HHAT: variants seen among roughly 807,000 people sequenced by gnomAD.
HHAT encodes the protein protein-cysteine N-palmitoyltransferase HHAT.
In HHAT, 47 loss-of-function variants were observed where a neutral mutation model predicts 70.8. That is an observed-to-expected ratio of 0.66 (90% CI 0.53 to 0.85). The LOEUF is 0.85. HHAT is among the 40% of genes least tolerant of loss of function. HHAT has a pLI of 0.00. For synonymous variants in HHAT, 228 were observed against 247.6 expected, an observed-to-expected ratio of 0.92 and a Z score of 0.74; for missense variants, 609 against 604.8, an observed-to-expected ratio of 1.01 and a Z score of -0.07.
chr1:210,372,988 T>C (rs1236214712), intron 3 of HHAT, among the ~76,000 whole-genome samples: 3 of 152,232 alleles, frequency 2.0e-5, no homozygotes, highest in Non-Finnish European at 4.4e-5. Context: ...TTCCTTATGC[T>C]AGTAAACTTT....
At chr1:210,335,598 A>G (rs1184651865) in intron 1 of HHAT, among the ~76,000 whole-genome samples, 3 of 152,252 alleles carry the variant, frequency 2.0e-5, no homozygotes, top group Non-Finnish European at 1.5e-5. Context: ...GGAACTGAGT[A>G]AAGAATCCAT....
chr1:210,393,388 G>T (rs536037614), intron 4 of HHAT, among the ~76,000 whole-genome samples: 1 of 152,260 alleles, frequency 6.6e-6, no homozygotes, highest in Admixed American at 6.5e-5. Flanking sequence ...GCTTGTCTTG[G>T]GTCCTGGGGG....
intron 3 of HHAT, chr1:210,374,012 A>C (rs541310618): frequency 1.3e-5 from 2 of 152,362 alleles, no homozygotes; most frequent in South Asian, 4.1e-4. Context: ...AAGTATTCAG[A>C]CCTTTGACAT....
intron 11 of HHAT, among the ~76,000 whole-genome samples, chr1:210,639,276 AACAAAAT>A (rs777547714): frequency 3.9e-5 from 6 of 152,158 alleles, no homozygotes; most frequent in African/African-American, 9.7e-5. Context: ...CAAAACAAAA[AACAAAAT>A]ACAAAAAAAA....
At chr1:210,471,093 CT>C in intron 8 of HHAT, among the ~76,000 whole-genome samples, 1 of 152,128 alleles carries the variant, frequency 6.6e-6, no homozygotes, top group African/African-American at 2.4e-5. Flanking sequence ...GGTGGTCACT[CT>C]TCTGAAATTT....
intron 8 of HHAT, among the ~76,000 whole-genome samples, chr1:210,496,028 A>AAAAAAAG (rs2148527922): frequency 1.3e-5 from 2 of 149,600 alleles, no homozygotes; most frequent in Admixed American, 1.3e-4. Flanking sequence ...AAAAAAAAAA[A>AAAAAAAG]AAGAAAAAGA....
chr1:210,478,578 A>C (rs2094342447), intron 8 of HHAT, among the ~76,000 whole-genome samples: 1 of 152,172 alleles, frequency 6.6e-6, no homozygotes, highest in South Asian at 2.1e-4. Flanking sequence ...GCTTCAGAGG[A>C]GAGGGAAGGA....
intron 9 of HHAT, among the ~76,000 whole-genome samples, chr1:210,568,735 C>T (rs2148727534): frequency 6.6e-6 from 1 of 151,862 alleles, no homozygotes; most frequent in South Asian, 2.1e-4. Flanking sequence ...CAGTGTAGGC[C>T]CTGTGCAAAT....
At chr1:210,395,993 T>G (rs2091762265) in intron 4 of HHAT, among the ~76,000 whole-genome samples, 1 of 152,124 alleles carries the variant, frequency 6.6e-6, no homozygotes, top group Non-Finnish European at 1.5e-5. Context: ...AAGGAGACTA[T>G]CAAGTAGAGT....
chr1:210,655,938 G>GT lies in HHAT; in HGVS notation c.1391-18349dup, dbSNP rs200911267. Among the ~76,000 whole-genome samples, 1,195 of 152,166 alleles carry GT rather than the reference G, an allele frequency of 7.9e-3. 20 individuals are homozygous for GT. The highest frequency in any genetic ancestry group is 0.027 in the African/African-American group (1,140 of 41,518). ...CCTCTTAGAATTACAAGGGACCTTT[G>GT]TAGGGATCATCTGGTCCCGCCTTCT... On this transcript the variant is annotated intron_variant, in intron 11 of 11. Transcript: ENST00000261458.
chr1:210,415,177 G>A (rs2092683143), intron 6 of HHAT, among the ~76,000 whole-genome samples: 1 of 152,180 alleles, frequency 6.6e-6, no homozygotes. Context: ...GTACACACAT[G>A]CATTTAACCA....
intron 9 of HHAT, among the ~76,000 whole-genome samples, chr1:210,577,637 A>ATTTGTTTTTTTTTTT (rs1658147425): frequency 1.7e-5 from 1 of 60,206 alleles, no homozygotes; most frequent in Non-Finnish European, 3.2e-5. Flanking sequence ...GGCCTGTAGG[A>ATTTGTTTTTTTTTTT]TTTTTTTTTT....
chr1:210,518,483 A>G (rs964109844), intron 9 of HHAT, among the ~76,000 whole-genome samples: 1 of 152,156 alleles, frequency 6.6e-6, no homozygotes, highest in Non-Finnish European at 1.5e-5. Context: ...ATAGAGATGA[A>G]TCTCTAAATT....
chr1:210,648,014 TTTC>T (rs1230716895), intron 11 of HHAT, among the ~76,000 whole-genome samples: 1 of 152,168 alleles, frequency 6.6e-6, no homozygotes, highest in East Asian at 1.9e-4. Flanking sequence ...ACCCCTCTGT[TTTC>T]TTGTGTCCCA....
At chr1:210,581,909 C>T (rs919968499) in intron 9 of HHAT, among the ~76,000 whole-genome samples, 75 of 152,082 alleles carry the variant, frequency 4.9e-4, no homozygotes, top group African/African-American at 1.8e-3. Context: ...TGACTAGTAG[C>T]TGTGTAACAT....
At chr1:210,542,077 T>C (rs1309202029) in intron 9 of HHAT, among the ~76,000 whole-genome samples, 1 of 152,246 alleles carries the variant, frequency 6.6e-6, no homozygotes, top group Non-Finnish European at 1.5e-5. Flanking sequence ...TCCCTTTGGC[T>C]GTTTTCCCCA....
chr1:210,520,949 A>G (rs142513412), intron 9 of HHAT, among the ~76,000 whole-genome samples: 54 of 152,348 alleles, frequency 3.5e-4, no homozygotes, highest in African/African-American at 1.3e-3. Flanking sequence ...GGACTAGTGG[A>G]AATGCAAAGT....
At chr1:210,591,203 C>A (rs1443040975) in intron 10 of HHAT, among the ~76,000 whole-genome samples, 2 of 152,042 alleles carry the variant, frequency 1.3e-5, no homozygotes, top group East Asian at 3.9e-4. Context: ...ATCATTCCCC[C>A]CAACTACCCT....
At chr1:210,405,186 G>A (rs1038692049) in intron 6 of HHAT, among the ~76,000 whole-genome samples, 1 of 152,122 alleles carries the variant, frequency 6.6e-6, no homozygotes, top group African/African-American at 2.4e-5. Flanking sequence ...AAGTAAGTTC[G>A]AAGGCAGTGG....
Sources: gnomAD v4.1 joint callset for allele counts (sites outside exome capture counted in the v4.1 genomes callset) on GRCh38, gnomAD v4.1.1 for gene constraint, MANE v1.5 for transcripts, NCBI Gene and HGNC (gene_info 2026-07-23, HGNC 2026-07-21) for gene names.